The following CNTN6 variants were observed in gnomAD, a reference collection of about 807,000 sequenced individuals.
CNTN6 encodes contactin 6.
CNTN6 carries 137 observed loss-of-function variants against 122.8 expected under a neutral mutation model. The ratio of observed to expected loss-of-function variants is 1.12; its 90% CI spans 0.97 to 1.29. The LOEUF (loss-of-function observed/expected upper bound fraction) is 1.29. CNTN6 is among the 50% of genes most tolerant of loss of function. The probability of loss-of-function intolerance (pLI) is 0.00; values close to 1 mark genes in which losing one functional copy is unlikely to be tolerated. For synonymous variants in CNTN6, 570 were observed against 426.0 expected, an observed-to-expected ratio of 1.34 and a Z score of -4.16; for missense variants, 1,634 against 1,223.4, an observed-to-expected ratio of 1.34 and a Z score of -5.01.
chr3:1,303,312 GT>G (rs940334865), intron 7 of CNTN6, among the ~76,000 whole-genome samples: 1 of 152,056 alleles, frequency 6.6e-6, no homozygotes, highest in African/African-American at 2.4e-5. Context: ...TCTTCAGACT[GT>G]TTTTTAGCAG....
At chr3:1,369,306 G>A (rs912059665) in intron 12 of CNTN6, among the ~76,000 whole-genome samples, 7 of 151,308 alleles carry the variant, frequency 4.6e-5, no homozygotes, top group African/African-American at 1.7e-4. Flanking sequence ...TAATATGATT[G>A]GATTCATGCT....
chr3:1,345,043 C>T (rs996587625), intron 11 of CNTN6, among the ~76,000 whole-genome samples: 11 of 151,748 alleles, frequency 7.2e-5, no homozygotes, highest in Admixed American at 7.2e-4. Context: ...TTCATCAATC[C>T]ACTGATTAAA....
chr3:1,265,929 T>G (rs62229449), intron 4 of CNTN6, among the ~76,000 whole-genome samples: 9,370 of 152,304 alleles, frequency 0.062, 341 homozygotes, highest in Middle Eastern at 0.13. Flanking sequence ...AAAAACATAT[T>G]TATTACCACT....
intron 2 of CNTN6, among the ~76,000 whole-genome samples, chr3:1,166,851 G>A (rs111249077): frequency 0.017 from 2,657 of 152,080 alleles, 71 homozygotes; most frequent in African/African-American, 0.059. Flanking sequence ...ACATGGACAC[G>A]GGAAAGGGAA....
chr3:1,295,657 A>T lies in CNTN6; in HGVS notation c.511A>T (p.Arg171Trp), dbSNP rs771057720. 6.2e-7 allele frequency: 1 copy of T among 1,613,896 alleles called. No homozygotes were observed. Among genetic ancestry groups the T allele is most frequent in the African/African-American group, 1.3e-5 (1 of 74,932 alleles). The change falls in exon 6 of 23, where the codon AGG becomes TGG. Residue 171 changes from arginine (R) to tryptophan (W), a missense_variant. By Grantham distance (101) the Arg-to-Trp change is moderately radical. Coordinates refer to ENST00000446702, the MANE Select transcript of CNTN6 (RefSeq NM_001289080.2). The stretch of plus-strand genomic sequence containing the variant: ...CCCCTTATACGTCCAAGAGGACAAT[A>T]GGCGATTTGTATCTCAAGAGACGGG... ...DNPLYVQEDN[R>W]RFVSQETGNL...
chr3:1,205,649 G>T (rs1216797182), intron 2 of CNTN6, among the ~76,000 whole-genome samples: 1 of 152,060 alleles, frequency 6.6e-6, no homozygotes, highest in African/African-American at 2.4e-5. Flanking sequence ...TTTTTAAAAA[G>T]GCAAAATCAT....
intron 1 of CNTN6, among the ~76,000 whole-genome samples, chr3:1,133,342 A>G (rs1030203376): frequency 2.0e-5 from 3 of 151,952 alleles, no homozygotes; most frequent in Non-Finnish European, 4.4e-5. Context: ...TTTTGTAGTA[A>G]TAATAATAAT....
At chr3:1,260,788 A>T (rs1575461182) in intron 4 of CNTN6, among the ~76,000 whole-genome samples, 1 of 151,944 alleles carries the variant, frequency 6.6e-6, no homozygotes, top group Non-Finnish European at 1.5e-5. Flanking sequence ...CCTCTACCTG[A>T]TGCCGCCGTG....
chr3:1,102,923 C>G (rs373632194), intron 1 of CNTN6, among the ~76,000 whole-genome samples: 3 of 150,560 alleles, frequency 2.0e-5, no homozygotes, highest in South Asian at 2.1e-4. Context: ...CTGGCTAACA[C>G]GGTGAAACCC....
At chr3:1,200,231 A>G (rs11716797) in intron 2 of CNTN6, among the ~76,000 whole-genome samples, 1 of 152,102 alleles carries the variant, frequency 6.6e-6, no homozygotes, top group African/African-American at 2.4e-5. Flanking sequence ...ATGGGGTTTC[A>G]CCATGTTGAC....
chr3:1,306,182 G>C (rs1321709254), intron 7 of CNTN6, among the ~76,000 whole-genome samples: 3 of 152,118 alleles, frequency 2.0e-5, no homozygotes, highest in Admixed American at 6.5e-5. Flanking sequence ...AGCAGATAGA[G>C]AACAGAATCT....
chr3:1,170,835 A>G (rs1274058947), intron 2 of CNTN6, among the ~76,000 whole-genome samples: 1 of 152,194 alleles, frequency 6.6e-6, no homozygotes. Context: ...AAGTTGGGTT[A>G]CCTCTGACAA....
chr3:1,119,638 CT>C (rs1341994726), intron 1 of CNTN6, among the ~76,000 whole-genome samples: 2 of 150,754 alleles, frequency 1.3e-5, no homozygotes, highest in African/African-American at 5.0e-5. Flanking sequence ...ATAAGCATGG[CT>C]TTTTCCTCAT....
At chr3:1,256,976 G>GT (rs1416730021) in intron 4 of CNTN6, among the ~76,000 whole-genome samples, 3 of 152,040 alleles carry the variant, frequency 2.0e-5, no homozygotes, top group Admixed American at 1.3e-4. Flanking sequence ...TTGAAAAATG[G>GT]TTATGCCAAA....
chr3:1,194,980 C>T (rs1026846457), intron 2 of CNTN6, among the ~76,000 whole-genome samples: 2 of 152,096 alleles, frequency 1.3e-5, no homozygotes, highest in African/African-American at 2.4e-5. Context: ...CCCCTTCCAG[C>T]ATCCTTTTCA....
intron 1 of CNTN6, among the ~76,000 whole-genome samples, chr3:1,125,381 A>G (rs7624683): frequency 0.42 from 63,167 of 151,636 alleles, 13,475 homozygotes; most frequent in East Asian, 0.48. Flanking sequence ...AATTTGGGAC[A>G]AAAGAAAGCA....
chr3:1,368,903 T>G (rs2126128315), intron 12 of CNTN6, among the ~76,000 whole-genome samples: 1 of 152,308 alleles, frequency 6.6e-6, no homozygotes, highest in South Asian at 2.1e-4. Flanking sequence ...CACCCCACGC[T>G]TTCATTTTGC....
At chr3:1,312,701 C>A (rs1397305344) in intron 7 of CNTN6, among the ~76,000 whole-genome samples, 1 of 151,158 alleles carries the variant, frequency 6.6e-6, no homozygotes, top group East Asian at 1.9e-4. Flanking sequence ...ACATGTTATA[C>A]ACCCTAATAA....
intron 4 of CNTN6, among the ~76,000 whole-genome samples, chr3:1,231,449 C>G (rs1000425004): frequency 6.6e-6 from 1 of 152,206 alleles, no homozygotes; most frequent in Non-Finnish European, 1.5e-5. Context: ...GGACATACCT[C>G]TAGATAATTG....
Sources: gnomAD v4.1 joint callset for allele counts (sites outside exome capture counted in the v4.1 genomes callset) on GRCh38, gnomAD v4.1.1 for gene constraint, MANE v1.5 for transcripts, NCBI Gene and HGNC (gene_info 2026-07-23, HGNC 2026-07-21) for gene names.